SORCS2: variants seen among roughly 807,000 people sequenced by gnomAD.
SORCS2 encodes the protein VPS10 domain-containing receptor SorCS2.
SORCS2 carries 100 observed loss-of-function variants against 141.6 expected under a neutral mutation model. The ratio of observed to expected loss-of-function variants is 0.71; its 90% CI spans 0.60 to 0.83. The LOEUF is 0.83. SORCS2 is among the 40% of genes least tolerant of loss of function. The pLI is 0.00. For missense variants in SORCS2, 1,646 were observed against 1,560.2 expected (o/e 1.05, Z -0.93); for synonymous variants, 789 against 676.9 (o/e 1.17, Z -2.57).
intron 2 of SORCS2, among the ~76,000 whole-genome samples, chr4:7,459,447 T>A (rs1729148413): frequency 6.6e-6 from 1 of 152,150 alleles, no homozygotes; most frequent in Non-Finnish European, 1.5e-5. Flanking sequence ...TTTCCTTATC[T>A]GTAAAATGGG....
chr4:7,606,323 A>C (rs1422685192), intron 3 of SORCS2, among the ~76,000 whole-genome samples: 1 of 152,044 alleles, frequency 6.6e-6, no homozygotes, highest in Non-Finnish European at 1.5e-5. Flanking sequence ...ACTCAAACCC[A>C]TTTGACTGTG....
intron 1 of SORCS2, among the ~76,000 whole-genome samples, chr4:7,238,755 C>T (rs543315203): frequency 1.7e-4 from 26 of 152,314 alleles, no homozygotes; most frequent in African/African-American, 4.8e-4. Context: ...CTTCTGTTTT[C>T]GCCTCTGCTC....
chr4:7,707,129 A>C (rs1725523114), intron 14 of SORCS2, among the ~76,000 whole-genome samples: 1 of 152,228 alleles, frequency 6.6e-6, no homozygotes, highest in African/African-American at 2.4e-5. Flanking sequence ...GGCCGAGCAG[A>C]GGTGGGACCC....
chr4:7,308,097 G>A (rs1346917280), intron 1 of SORCS2, among the ~76,000 whole-genome samples: 1 of 152,130 alleles, frequency 6.6e-6, no homozygotes, highest in African/African-American at 2.4e-5. Flanking sequence ...AGGATGCCTG[G>A]AACCCTGTTC....
chr4:7,662,247 C>T (rs1023905550), intron 6 of SORCS2, among the ~76,000 whole-genome samples: 10 of 150,716 alleles, frequency 6.6e-5, no homozygotes, highest in African/African-American at 2.4e-4. Context: ...CCACCCCCAC[C>T]CTGCCACACT....
chr4:7,508,953 G>A (rs372754728), intron 2 of SORCS2, among the ~76,000 whole-genome samples: 68 of 151,928 alleles, frequency 4.5e-4, no homozygotes, highest in African/African-American at 1.6e-3. Flanking sequence ...TGGGGACAAG[G>A]GTGGCTCGGG....
Position 7,364,139 on chromosome 4 carries a change from C to T in SORCS2, c.481-32149C>T, listed in dbSNP as rs188377353. Among the ~76,000 whole-genome samples the T allele has an allele frequency of 4.6e-3, 697 of 152,330 alleles. 4 individuals carry two copies. The highest frequency in any genetic ancestry group is 0.016 in the African/African-American group (681 of 41,570). On this transcript the variant is annotated intron_variant, in intron 1 of 26. Transcript: ENST00000507866. ...ATCACCACCACCACCACCACATCAT[C>T]ATCATCATTATTGTCATCATCTGTA...
Position 7,682,880 on chromosome 4 carries a change from C to A in SORCS2, c.1479C>A (p.Asn493Lys), listed in dbSNP as rs1723615312. The change falls in exon 10 of 27, where the codon AAC becomes AAA. Residue 493 changes from asparagine (N) to lysine (K), a missense_variant. Transcript: ENST00000507866. Reference sequence around the variant, plus strand: ...TGGACATGAATGGAAAACCAACCAACTGCAAGCCTGTAAGTACCTCTGCTC... The same window carrying A: ...TGGACATGAATGGAAAACCAACCAAATGCAAGCCTGTAAGTACCTCTGCTC... ...PSMDMNGKPT[N>K]CKPPDCHLHL... The A allele has an allele frequency of 1.2e-6, 2 of 1,613,284 alleles. No homozygotes were observed. Among genetic ancestry groups the A allele is most frequent in the Admixed American group, 3.3e-5 (2 of 59,932 alleles).
intron 1 of SORCS2, among the ~76,000 whole-genome samples, chr4:7,315,173 A>G (rs1718477806): frequency 6.6e-6 from 1 of 152,060 alleles, no homozygotes; most frequent in South Asian, 2.1e-4. Context: ...TCCACTGTGG[A>G]GAGCCCTGAG....
At chr4:7,371,487 G>A (rs1446269105) in intron 1 of SORCS2, among the ~76,000 whole-genome samples, 1 of 152,160 alleles carries the variant, frequency 6.6e-6, no homozygotes. Context: ...ATTTCGTTGT[G>A]TTGGTAGGAC....
At chr4:7,268,276 T>C (rs563140262) in intron 1 of SORCS2, among the ~76,000 whole-genome samples, 1 of 152,164 alleles carries the variant, frequency 6.6e-6, no homozygotes, top group Non-Finnish European at 1.5e-5. Context: ...CCTGCCACAT[T>C]GTCTAAAGGA....
intron 1 of SORCS2, among the ~76,000 whole-genome samples, chr4:7,237,569 G>C (rs1466547269): frequency 6.6e-6 from 1 of 152,106 alleles, no homozygotes; most frequent in African/African-American, 2.4e-5. Context: ...AGCATCTTTT[G>C]AAAAGGACCT....
At position 7,741,169 on chromosome 4, in the gene SORCS2, G is replaced by A. The variant is rs1712638830; in HGVS notation, c.*905G>A. 2 of 398,614 alleles carry A rather than the reference G, an allele frequency of 5.0e-6. No individual in the cohort carries two copies. The highest frequency in any genetic ancestry group is 3.6e-5 in the East Asian group (1 of 28,084). The allele number at this position is 398,614 out of a possible 1,614,324, so 24.7% of individuals were successfully genotyped here. On this transcript the variant is annotated 3_prime_UTR_variant, in exon 27 of 27. Coordinates refer to ENST00000507866, the MANE Select transcript of SORCS2 (RefSeq NM_020777.3). ...AAGGTGGGTGGTGGAGACGGCACCA[G>A]ATGTACCAGTTTTCTGCAGTTCCTT...
chr4:7,285,931 TG>T (rs1716191418), intron 1 of SORCS2, among the ~76,000 whole-genome samples: 2 of 152,094 alleles, frequency 1.3e-5, no homozygotes, highest in South Asian at 4.1e-4. Context: ...GCCGACAGCC[TG>T]GGGCTGCAGT....
intron 18 of SORCS2, among the ~76,000 whole-genome samples, chr4:7,720,396 T>C (rs927528415): frequency 2.0e-5 from 3 of 152,160 alleles, no homozygotes; most frequent in Non-Finnish European, 2.9e-5. Context: ...AAATGTCGCA[T>C]GTAAAAATCA....
At chr4:7,231,030 G>C (rs1449947560) in intron 1 of SORCS2, among the ~76,000 whole-genome samples, 1 of 128,896 alleles carries the variant, frequency 7.8e-6, no homozygotes, top group Non-Finnish European at 1.7e-5. Context: ...ATCCATATCT[G>C]TATCTGTCTA....
intron 3 of SORCS2, among the ~76,000 whole-genome samples, chr4:7,597,715 G>A (rs539266749): frequency 6.7e-6 from 1 of 149,922 alleles, no homozygotes; most frequent in South Asian, 2.1e-4. Context: ...CAAGGGGGGA[G>A]AGGCTATTGC....
chr4:7,600,662 C>T (rs929992043), intron 3 of SORCS2, among the ~76,000 whole-genome samples: 1,419 of 107,216 alleles, frequency 0.013, 14 homozygotes, highest in African/African-American at 0.038. Context: ...TATATACACA[C>T]ACACACACAC....
chr4:7,660,877 AG>A (rs1304805572), intron 5 of SORCS2, among the ~76,000 whole-genome samples: 14 of 152,152 alleles, frequency 9.2e-5, no homozygotes, highest in African/African-American at 3.1e-4. Flanking sequence ...AGGCAGCACC[AG>A]GGGGAGGGCT....
Sources: allele counts gnomAD v4.1 joint callset (sites outside exome capture counted in the v4.1 genomes callset), GRCh38; gene constraint gnomAD v4.1.1; transcripts MANE v1.5; gene names NCBI Gene and HGNC (gene_info 2026-07-23, HGNC 2026-07-21).